Variants in PTPRT observed in about 807,000 individuals in gnomAD.
The protein encoded by PTPRT is receptor-type tyrosine-protein phosphatase T.
Under a neutral mutation model 176.8 loss-of-function variants are expected in PTPRT, and 56 were observed. The ratio of observed to expected loss-of-function variants is 0.32; its 90% CI spans 0.26 to 0.40. The LOEUF (loss-of-function observed/expected upper bound fraction) is 0.40, where lower values mean the gene tolerates loss of function less well. Among genes scored for constraint, PTPRT ranks in the 10% least tolerant of loss-of-function variants. The pLI is 1.00. For missense variants in PTPRT, 1,540 were observed against 1,908.2 expected (o/e 0.81, Z 3.60); for synonymous variants, 783 against 739.0 (o/e 1.06, Z -0.96).
intron 14 of PTPRT, among the ~76,000 whole-genome samples, chr20:42,246,004 A>G (rs1568704792): frequency 6.6e-6 from 1 of 152,166 alleles, no homozygotes; most frequent in Non-Finnish European, 1.5e-5. Context: ...GGAGATGTTA[A>G]CACTAGTATC....
intron 9 of PTPRT, among the ~76,000 whole-genome samples, chr20:42,404,729 A>T (rs945825394): frequency 6.6e-6 from 1 of 152,048 alleles, no homozygotes; most frequent in Non-Finnish European, 1.5e-5. Context: ...ACTAAATATG[A>T]CTGCTATGTC....
At chr20:42,358,060 C>T (rs1200684427) in intron 9 of PTPRT, among the ~76,000 whole-genome samples, 1 of 151,174 alleles carries the variant, frequency 6.6e-6, no homozygotes, top group African/African-American at 2.4e-5. Flanking sequence ...AAAAGAAGAC[C>T]TCTGTGGAAA....
chr20:42,446,919 G>T (rs1011797508), intron 9 of PTPRT, among the ~76,000 whole-genome samples: 2 of 152,128 alleles, frequency 1.3e-5, no homozygotes, highest in Non-Finnish European at 2.9e-5. Flanking sequence ...TTCTAAGAGG[G>T]AGATGTTAGC....
chr20:42,323,297 A>G (rs931772630), intron 11 of PTPRT, among the ~76,000 whole-genome samples: 1 of 152,320 alleles, frequency 6.6e-6, no homozygotes, highest in African/African-American at 2.4e-5. Context: ...GCTGCTATAA[A>G]GACACATGCA....
chr20:42,177,395 C>T (rs2146570473), intron 16 of PTPRT, among the ~76,000 whole-genome samples: 1 of 152,318 alleles, frequency 6.6e-6, no homozygotes, highest in African/African-American at 2.4e-5. Flanking sequence ...AGTAGTACAG[C>T]TTAGTATTGT....
intron 7 of PTPRT, among the ~76,000 whole-genome samples, chr20:42,645,083 G>T (rs1334025610): frequency 6.6e-6 from 1 of 152,136 alleles, no homozygotes. Flanking sequence ...CGCAGTCTAT[G>T]GCACTGTAGA....
intron 17 of PTPRT, among the ~76,000 whole-genome samples, chr20:42,159,116 T>C (rs1489903273): frequency 6.6e-6 from 1 of 152,108 alleles, no homozygotes; most frequent in Non-Finnish European, 1.5e-5. Flanking sequence ...TTTTTTTTTT[T>C]TGGTAAGCCA....
At chr20:42,386,641 T>A (rs1247749565) in intron 9 of PTPRT, among the ~76,000 whole-genome samples, 1 of 152,176 alleles carries the variant, frequency 6.6e-6, no homozygotes, top group South Asian at 2.1e-4. Context: ...GGCAGGTGGA[T>A]CACGAGGTCG....
intron 2 of PTPRT, 83 bp from the exon 3 acceptor site, chr20:42,791,549 A>C: frequency 9.2e-6 from 13 of 1,417,236 alleles, no homozygotes; most frequent in East Asian, 2.5e-5. Context: ...ACCCATAAAC[A>C]TGGTGGCCAG....
intron 7 of PTPRT, among the ~76,000 whole-genome samples, chr20:42,635,805 G>T (rs2074584469): frequency 6.6e-6 from 1 of 152,096 alleles, no homozygotes; most frequent in Admixed American, 6.6e-5. Context: ...GGTAGAACGA[G>T]ATCCAGATGG....
intron 12 of PTPRT, among the ~76,000 whole-genome samples, chr20:42,290,540 G>A (rs567647259): frequency 1.3e-5 from 2 of 152,174 alleles, no homozygotes; most frequent in East Asian, 3.9e-4. Context: ...GTTGCTTCCA[G>A]TCCTCAATGC....
chr20:42,947,985 T>TTGAATGAA lies in PTPRT; in HGVS notation c.89-62061_89-62054dup, dbSNP rs57263700. ...AGTAGGTGCTCAATACATGCATTTG[T>TTGAATGAA]TGAATGAATGAATGAATGAATGAAT... is the stretch of plus-strand genomic sequence containing the variant. On this transcript the variant is annotated intron_variant, in intron 1 of 30. Coordinates refer to ENST00000373187, the MANE Select transcript of PTPRT (RefSeq NM_007050.6). 8.5e-5 allele frequency among the ~76,000 whole-genome samples: 13 copies of TTGAATGAA among 152,152 alleles called. No homozygotes were observed. The East Asian group carries it at 1.2e-3, about 14-fold the overall frequency.
chr20:42,231,864 G>A (rs950309843), intron 15 of PTPRT, among the ~76,000 whole-genome samples: 6 of 152,070 alleles, frequency 3.9e-5, no homozygotes, highest in Non-Finnish European at 7.4e-5. Flanking sequence ...AATATTTGTG[G>A]ACCACTGTTC....
chr20:43,046,307 C>A (rs186728631), intron 1 of PTPRT, among the ~76,000 whole-genome samples: 1 of 151,992 alleles, frequency 6.6e-6, no homozygotes, highest in South Asian at 2.1e-4. Context: ...CGCGGTGGCT[C>A]GCACCTGTAA....
intron 7 of PTPRT, among the ~76,000 whole-genome samples, chr20:42,661,015 C>A (rs1452118018): frequency 1.3e-5 from 2 of 152,072 alleles, no homozygotes; most frequent in Non-Finnish European, 2.9e-5. Flanking sequence ...CCACGCCCGT[C>A]TAATTTTTGC....
chr20:42,317,196 G>A (rs996288374), intron 11 of PTPRT, among the ~76,000 whole-genome samples: 7 of 152,224 alleles, frequency 4.6e-5, no homozygotes, highest in African/African-American at 1.7e-4. Context: ...TTGAGTTCCT[G>A]TCTAGTGATC....
At chr20:42,460,761 C>T (rs149436544) in intron 8 of PTPRT, among the ~76,000 whole-genome samples, 2 of 152,174 alleles carry the variant, frequency 1.3e-5, no homozygotes, top group Non-Finnish European at 2.9e-5. Flanking sequence ...CCTTGCTTCC[C>T]CTTCACCTTC....
chr20:42,894,259 A>C (rs1444240950), intron 1 of PTPRT, among the ~76,000 whole-genome samples: 2 of 152,194 alleles, frequency 1.3e-5, no homozygotes, highest in Non-Finnish European at 2.9e-5. Context: ...GAGACTGCTA[A>C]GGAGTAAACT....
rs568990448 is a variant in PTPRT, at chr20:43,172,662, G to A, written c.88+16984C>T. 7.9e-5 allele frequency among the ~76,000 whole-genome samples: 12 copies of A among 152,286 alleles called. No individual in the cohort carries two copies. In the South Asian group the frequency reaches 2.5e-3, roughly 32 times the overall value. Reference sequence around the variant, plus strand: ...AGTATTTATGGAGCACTTTCCATGAGCCTGGCTCCTTGCTAAGCATTTGAC... The same window carrying A: ...AGTATTTATGGAGCACTTTCCATGAACCTGGCTCCTTGCTAAGCATTTGAC... On this transcript the variant is annotated intron_variant, in intron 1 of 30. Transcript: ENST00000373187.
Sources: gnomAD v4.1 joint callset for allele counts (sites outside exome capture counted in the v4.1 genomes callset) on GRCh38, gnomAD v4.1.1 for gene constraint, MANE v1.5 for transcripts, NCBI Gene and HGNC (gene_info 2026-07-23, HGNC 2026-07-21) for gene names.